Variants in C2CD5 observed in about 807,000 individuals in gnomAD.
C2CD5 encodes the protein C2 domain-containing protein 5.
Under a neutral mutation model 130.3 loss-of-function variants are expected in C2CD5, and 109 were observed. The ratio of observed to expected loss-of-function variants is 0.84; its 90% confidence interval spans 0.72 to 0.98. The LOEUF is 0.98. C2CD5 is among the 50% of genes least tolerant of loss of function. The pLI, the probability that C2CD5 is intolerant of heterozygous loss-of-function variation, is 0.00. For missense variants in C2CD5, 996 were observed against 1,261.8 expected (o/e 0.79, Z 3.19); for synonymous variants, 454 against 429.2 (o/e 1.06, Z -0.71).
chr12:22,479,272 T>C (rs1024077075), intron 14 of C2CD5, among the ~76,000 whole-genome samples: 3 of 151,794 alleles, frequency 2.0e-5, no homozygotes, highest in African/African-American at 4.8e-5. Flanking sequence ...TGGGTTTTCA[T>C]CATGTTGGCC....
chr12:22,487,973 G>C (rs1227051703), intron 12 of C2CD5, among the ~76,000 whole-genome samples: 1 of 147,792 alleles, frequency 6.8e-6, no homozygotes, highest in African/African-American at 2.5e-5. Context: ...AACACTGCAC[G>C]TTCTCACTCA....
intron 2 of C2CD5, among the ~76,000 whole-genome samples, chr12:22,538,239 T>C (rs1357874069): frequency 6.6e-6 from 1 of 152,188 alleles, no homozygotes; most frequent in African/African-American, 2.4e-5. Flanking sequence ...TGATTTCCAG[T>C]TTGGGTTGCT....
chr12:22,498,202 T>A (rs915033164), intron 10 of C2CD5, among the ~76,000 whole-genome samples: 7 of 152,126 alleles, frequency 4.6e-5, no homozygotes, highest in African/African-American at 1.7e-4. Flanking sequence ...CTACCACCTA[T>A]CTCCATTTAA....
chr12:22,456,347 C>T (rs910430797), intron 25 of C2CD5, among the ~76,000 whole-genome samples: 1 of 152,076 alleles, frequency 6.6e-6, no homozygotes. Context: ...TATGACACAA[C>T]GTAATTTTTT....
chr12:22,503,051 T>G (rs1375629798), intron 10 of C2CD5, among the ~76,000 whole-genome samples: 1 of 152,190 alleles, frequency 6.6e-6, no homozygotes, highest in Non-Finnish European at 1.5e-5. Context: ...CTTTCCCTTG[T>G]TGTAGTCACC....
chr12:22,494,281 A>G (rs926623772), intron 10 of C2CD5, among the ~76,000 whole-genome samples: 4 of 152,012 alleles, frequency 2.6e-5, no homozygotes, highest in African/African-American at 9.7e-5. Flanking sequence ...AAAAAAATCA[A>G]CTCTAGATAG....
Position 22,523,556 on chromosome 12 carries a change from G to GT in C2CD5, c.669dup (p.Gln224ThrfsTer24). On this transcript the variant is annotated frameshift_variant, in exon 7 of 27. Coordinates refer to ENST00000446597, the MANE Select transcript of C2CD5 (RefSeq NM_001286176.2). LOFTEE classifies it high-confidence loss of function. ...GACTCGCCCTCCAGATCGAAACACT[G>GT]TAAGTACCCCACAACTGCATTTCCT... is the stretch of plus-strand genomic sequence containing the variant. 34 of 1,613,930 alleles carry GT rather than the reference G, an allele frequency of 2.1e-5. No homozygotes were observed. The highest frequency in any genetic ancestry group is 2.8e-5 in the Non-Finnish European group (33 of 1,179,944).
At chr12:22,471,703 T>C (rs757784035) in intron 19 of C2CD5, among the ~76,000 whole-genome samples, 2 of 151,964 alleles carry the variant, frequency 1.3e-5, no homozygotes, top group African/African-American at 2.4e-5. Flanking sequence ...AAAAATAATA[T>C]AGTAAGTTTT....
chr12:22,464,888 T>G (rs1181679445), intron 22 of C2CD5, among the ~76,000 whole-genome samples: 1 of 152,190 alleles, frequency 6.6e-6, no homozygotes, highest in Non-Finnish European at 1.5e-5. Context: ...ACTTCTGTAT[T>G]TTTTACAAAT....
At chr12:22,531,397 T>C (rs886586519) in intron 3 of C2CD5, among the ~76,000 whole-genome samples, 7 of 152,184 alleles carry the variant, frequency 4.6e-5, no homozygotes, top group Admixed American at 4.6e-4. Context: ...TACAAAGCTA[T>C]AGTAATCAAA....
chr12:22,530,750 CCCA>C (rs1169985874), intron 3 of C2CD5, among the ~76,000 whole-genome samples: 1 of 152,058 alleles, frequency 6.6e-6, no homozygotes. Context: ...AGCCACTGCA[CCCA>C]GCCACTAACT....
intron 3 of C2CD5, among the ~76,000 whole-genome samples, chr12:22,532,548 T>G (rs1951393810): frequency 6.6e-6 from 1 of 152,130 alleles, no homozygotes; most frequent in Admixed American, 6.5e-5. Flanking sequence ...TCCAGACCTT[T>G]AAGCTTTTCC....
intron 10 of C2CD5, among the ~76,000 whole-genome samples, chr12:22,505,309 G>A (rs1948381359): frequency 1.4e-5 from 2 of 141,166 alleles, no homozygotes; most frequent in South Asian, 2.2e-4. Context: ...CCAGGCTGGA[G>A]TGTAGTGGCA....
intron 3 of C2CD5, among the ~76,000 whole-genome samples, chr12:22,530,109 T>TACACACAC (rs1346617859): frequency 1.1e-4 from 12 of 106,684 alleles, no homozygotes; most frequent in African/African-American, 5.3e-4. Flanking sequence ...TATATATATA[T>TACACACAC]ATACACACAC....
At chr12:22,506,560 G>A (rs1948560462) in intron 10 of C2CD5, 151 bp downstream of exon 10, 1 of 504,000 alleles carries the variant, frequency 2.0e-6, no homozygotes, top group South Asian at 3.3e-5. Context: ...TTATAATTAA[G>A]ATGACTACAA....
Position 22,471,459 on chromosome 12 carries a change from G to T in C2CD5, c.2298C>A (p.Ile766=), listed in dbSNP as rs147208239. Residue 766 remains isoleucine (I), a synonymous_variant, in exon 20 of 27, where the codon ATC becomes ATA. Coordinates refer to ENST00000446597, the MANE Select transcript of C2CD5 (RefSeq NM_001286176.2). ...AATTTACATGGCAAAGGCAGCAGGG[G>T]ATCATAGATCGTAGTTTAAAGTACA... is the stretch of plus-strand genomic sequence containing the variant. ...KSLYFKLRSM[I]PCCLCHVNFT... is the part of the protein sequence containing the mutation. 1 of 1,597,264 alleles carries T rather than the reference G, an allele frequency of 6.3e-7. No individual in the cohort carries two copies. The highest frequency in any genetic ancestry group is 1.3e-5 in the African/African-American group (1 of 74,640).
chr12:22,495,283 G>A (rs10842029), intron 10 of C2CD5, among the ~76,000 whole-genome samples: 24,165 of 151,846 alleles, frequency 0.16, 3,830 homozygotes, highest in African/African-American at 0.41. Flanking sequence ...AATACATGGT[G>A]GCTTTACTGT....
At chr12:22,510,057 T>C (rs539861887) in intron 9 of C2CD5, among the ~76,000 whole-genome samples, 1 of 152,152 alleles carries the variant, frequency 6.6e-6, no homozygotes, top group South Asian at 2.1e-4. Flanking sequence ...ATACAAAAAT[T>C]AGCCAGTTGT....
intron 7 of C2CD5, among the ~76,000 whole-genome samples, chr12:22,520,994 G>C (rs1372786844): frequency 1.3e-5 from 2 of 152,034 alleles, no homozygotes; most frequent in Admixed American, 1.3e-4. Flanking sequence ...TTTCTGATTC[G>C]ATCAGTCTCT....
Sources: gnomAD v4.1 joint callset for allele counts (sites outside exome capture counted in the v4.1 genomes callset) on GRCh38, gnomAD v4.1.1 for gene constraint, MANE v1.5 for transcripts, NCBI Gene and HGNC (gene_info 2026-07-23, HGNC 2026-07-21) for gene names.